The following ADARB1 variants were observed in gnomAD, a reference collection of about 807,000 sequenced individuals.
The protein encoded by ADARB1 is double-stranded RNA-specific editase 1.
Under a neutral mutation model 52.4 loss-of-function variants are expected in ADARB1, and 10 were observed. The ratio of observed to expected loss-of-function variants is 0.19; its 90% CI spans 0.12 to 0.32. The LOEUF (loss-of-function observed/expected upper bound fraction) is 0.32. Among genes scored for constraint, ADARB1 ranks in the 10% least tolerant of loss-of-function variants. The pLI is 1.00. For missense variants in ADARB1, 643 were observed against 922.3 expected (o/e 0.70, Z 3.92); for synonymous variants, 349 against 371.1 (o/e 0.94, Z 0.68).
At chr21:45,178,672 G>T (rs573101953) in intron 4 of ADARB1, among the ~76,000 whole-genome samples, 1 of 152,202 alleles carries the variant, frequency 6.6e-6, no homozygotes, top group Non-Finnish European at 1.5e-5. Context: ...CTTGAAGGAC[G>T]TAGGTCAGTC....
At chr21:45,185,947 TC>T (rs533878196) in intron 8 of ADARB1, among the ~76,000 whole-genome samples, 27 of 152,230 alleles carry the variant, frequency 1.8e-4, no homozygotes, top group Admixed American at 4.6e-4. Flanking sequence ...TTGATTTCCT[TC>T]AGTGGGTCTT....
rs2092529041 is a variant in ADARB1 at position 45,200,503 on chromosome 21, CAG to C, written c.1566-4049_1566-4048del. 6.6e-6 allele frequency among the ~76,000 whole-genome samples: 1 copy of C among 152,178 alleles called. No homozygotes were observed. Among genetic ancestry groups the C allele is most frequent in the Admixed American group, 6.5e-5 (1 of 15,276 alleles). On this transcript the variant is annotated intron_variant, in intron 8 of 10. Transcript: ENST00000348831. The surrounding 1 kb of genome is among the most constrained non-coding windows in gnomAD (Gnocchi z 5.0). ...GAGGAGGACCAGCAGCCTGTCTATT[CAG>C]AGTCGGCTATGGCAAGGGGGCCAGA...
chr21:45,097,748 G>A (rs1043239798), intron 1 of ADARB1, among the ~76,000 whole-genome samples: 12 of 152,078 alleles, frequency 7.9e-5, no homozygotes, highest in African/African-American at 2.9e-4. Context: ...TGACTTGGGG[G>A]CACTCAAGGG....
At chr21:45,090,504 A>T (rs931702688) in intron 1 of ADARB1, among the ~76,000 whole-genome samples, 4 of 152,112 alleles carry the variant, frequency 2.6e-5, no homozygotes, top group Admixed American at 2.6e-4. Flanking sequence ...AAATGTCCCT[A>T]CCGTGCCCTA....
intron 3 of ADARB1, among the ~76,000 whole-genome samples, chr21:45,174,602 C>G (rs1350433901): frequency 6.6e-6 from 1 of 152,018 alleles, no homozygotes; most frequent in Non-Finnish European, 1.5e-5. Context: ...ACTCGGGAGG[C>G]TGAGGCAGGA....
intron 2 of ADARB1, among the ~76,000 whole-genome samples, chr21:45,129,548 A>T (rs184220849): frequency 6.6e-6 from 1 of 152,216 alleles, no homozygotes; most frequent in East Asian, 1.9e-4. Context: ...TGGGCCTCAG[A>T]TGCCCTCTGG....
chr21:45,084,933 C>T (rs1347409651), intron 1 of ADARB1, among the ~76,000 whole-genome samples: 1 of 152,144 alleles, frequency 6.6e-6, no homozygotes, highest in African/African-American at 2.4e-5. Flanking sequence ...TTCTCGTAGT[C>T]TTCGTGAGGC....
In ADARB1 at chr21:45,223,457, A is replaced by T. The variant is rs1183389949; in HGVS notation, c.*1260A>T. 10 of 985,574 alleles carry T rather than the reference A, an allele frequency of 1.0e-5. No individual in the cohort carries two copies. The Admixed American group carries it at 3.7e-4, about 36-fold the overall frequency. 61.1% of individuals were successfully genotyped at this position (985,574 alleles called of 1,614,324 possible). On this transcript the variant is annotated 3_prime_UTR_variant, in exon 11 of 11. Coordinates refer to ENST00000348831, the MANE Select transcript of ADARB1 (RefSeq NM_001112.4). ...CGAGGGCCCTGTGTGGACCACCTCC[A>T]CCAAGCTCAGAGATTTGCACCAGGT...
intron 2 of ADARB1, chr21:45,146,377 G>T (rs2090008371): frequency 6.6e-6 from 1 of 152,280 alleles, no homozygotes; most frequent in African/African-American, 2.4e-5. Context: ...TTCAAGGAAA[G>T]CAACAGTCAT....
In ADARB1 at chr21:45,176,169, G is replaced by A. The variant is rs576627862; in HGVS notation, c.468G>A (p.Gly156=). Residue 156 remains glycine (G), a synonymous_variant, in exon 4 of 11, where the codon GGG becomes GGA. Transcript: ENST00000348831. The surrounding 1 kb of genome is among the most constrained non-coding windows in gnomAD (Gnocchi z 5.8). ...PNASEAHLAM[G]RTLSVNTDFT... is the part of the protein sequence containing the mutation. Reference sequence around the variant, plus strand: ...CCTCTGAGGCCCACCTGGCCATGGGGAGGACCCTGTCTGTCAACACGGACT... The same window carrying A: ...CCTCTGAGGCCCACCTGGCCATGGGAAGGACCCTGTCTGTCAACACGGACT... The A allele has an allele frequency of 1.1e-5, 18 of 1,614,224 alleles. No homozygotes were observed. Among genetic ancestry groups the A allele is most frequent in the South Asian group, 5.5e-5 (5 of 91,082 alleles).
chr21:45,076,852 G>T (rs1313182151), intron 1 of ADARB1, among the ~76,000 whole-genome samples: 1 of 152,202 alleles, frequency 6.6e-6, no homozygotes, highest in Non-Finnish European at 1.5e-5. Flanking sequence ...GGCCTTCCCT[G>T]TTTTAGGCCC....
intron 2 of ADARB1, chr21:45,145,252 CG>C: frequency 6.6e-6 from 1 of 152,474 alleles, no homozygotes; most frequent in Non-Finnish European, 1.5e-5. Context: ...GTTTCCTAGA[CG>C]GGGGGGCACT....
chr21:45,163,937 G>A (rs1052938522), intron 2 of ADARB1, among the ~76,000 whole-genome samples: 4 of 152,136 alleles, frequency 2.6e-5, no homozygotes, highest in Non-Finnish European at 5.9e-5. Flanking sequence ...GAGTTCACTC[G>A]GCACAGTCAC....
At chr21:45,119,130 C>T (rs1383259735) in intron 1 of ADARB1, among the ~76,000 whole-genome samples, 2 of 152,192 alleles carry the variant, frequency 1.3e-5, no homozygotes, top group Non-Finnish European at 2.9e-5. Flanking sequence ...CGCTCTGTCA[C>T]CCAGGGTGAA....
rs1167686544 is a variant in ADARB1, at chr21:45,213,787, T to C, written c.1748-7049T>C. Among the ~76,000 whole-genome samples, 3 of 152,352 alleles carry C rather than the reference T, an allele frequency of 2.0e-5. No individual in the cohort carries two copies. In the East Asian group the frequency reaches 5.8e-4, roughly 29 times the overall value. On this transcript the variant is annotated intron_variant, in intron 9 of 10. Transcript: ENST00000348831. ...GGGTGGATAAACCACAATTTGTTTT[T>C]CCCTTGAAATATTGATGGATATTTA... is the stretch of plus-strand genomic sequence containing the variant.
intron 1 of ADARB1, among the ~76,000 whole-genome samples, chr21:45,097,994 C>G (rs1263677037): frequency 6.6e-6 from 1 of 152,166 alleles, no homozygotes; most frequent in East Asian, 1.9e-4. Context: ...CAGTGAACGT[C>G]ACCAACACCC....
chr21:45,186,609 A>C (rs944750524), intron 8 of ADARB1, among the ~76,000 whole-genome samples: 4 of 152,204 alleles, frequency 2.6e-5, no homozygotes, highest in African/African-American at 9.7e-5. Flanking sequence ...TATCACTAGG[A>C]ATGTTGGGCA....
At position 45,226,505 on chromosome 21, in the gene ADARB1, G is replaced by T. The variant is rs150434591; in HGVS notation, c.*4308G>T. The T allele has an allele frequency of 1.9e-3, 290 of 152,782 alleles. No individual in the cohort carries two copies. Among genetic ancestry groups the T allele is most frequent in the Admixed American group, 4.1e-3 (63 of 15,310 alleles). The allele number at this position is 152,782 out of a possible 1,614,324, so 9.5% of individuals were successfully genotyped here. A position where few individuals can be genotyped will look rare whatever the true frequency, so the allele number is the denominator to read the frequency against. On this transcript the variant is annotated 3_prime_UTR_variant, in exon 11 of 11. Transcript: ENST00000348831. ...CAGCTGGAACTGAGCATGAGACGCTGTCAAATACAGACAAAGGATTTGAGA... is the reference window on the plus strand; with the variant it reads ...CAGCTGGAACTGAGCATGAGACGCTTTCAAATACAGACAAAGGATTTGAGA...
At chr21:45,114,734 G>A (rs1002693082) in intron 1 of ADARB1, among the ~76,000 whole-genome samples, 26 of 152,164 alleles carry the variant, frequency 1.7e-4, no homozygotes, top group African/African-American at 6.0e-4. Context: ...CTCCATGCAG[G>A]AACTGTGCTG....
Sources: gnomAD v4.1 joint callset for allele counts (sites outside exome capture counted in the v4.1 genomes callset) on GRCh38, gnomAD v4.1.1 for gene constraint, Gnocchi (gnomAD v3.1) non-coding constraint, MANE v1.5 for transcripts, NCBI Gene and HGNC (gene_info 2026-07-23, HGNC 2026-07-21) for gene names.